The following CHCHD3 variants were observed in gnomAD, a reference collection of about 807,000 sequenced individuals.
CHCHD3 encodes coiled-coil-helix-coiled-coil-helix domain containing 3.
In CHCHD3, 20 loss-of-function variants were observed where a neutral mutation model predicts 38.2. That is an observed-to-expected ratio of 0.52 (90% CI 0.37 to 0.76). The LOEUF (loss-of-function observed/expected upper bound fraction) is 0.76. Among genes scored for constraint, CHCHD3 ranks in the 30% least tolerant of loss-of-function variants. The probability of loss-of-function intolerance (pLI) is 0.00; values close to 1 mark genes in which losing one functional copy is unlikely to be tolerated. For missense variants in CHCHD3, 245 were observed against 279.2 expected (o/e 0.88, Z 0.87); for synonymous variants, 82 against 100.0 (o/e 0.82, Z 1.07).
At chr7:132,950,636 T>C (rs2117286684) in intron 4 of CHCHD3, among the ~76,000 whole-genome samples, 1 of 152,276 alleles carries the variant, frequency 6.6e-6, no homozygotes, top group African/African-American at 2.4e-5. Flanking sequence ...CTTTAAACAT[T>C]TTTTTACATT....
intron 5 of CHCHD3, among the ~76,000 whole-genome samples, chr7:132,872,775 A>G (rs1808797150): frequency 6.6e-6 from 1 of 152,180 alleles, no homozygotes; most frequent in South Asian, 2.1e-4. Flanking sequence ...GGTTCTAAAC[A>G]AAAAATGTCA....
At chr7:132,887,748 G>T (rs1460787482) in intron 4 of CHCHD3, among the ~76,000 whole-genome samples, 1 of 151,712 alleles carries the variant, frequency 6.6e-6, no homozygotes, top group Non-Finnish European at 1.5e-5. Context: ...GTAATATGGT[G>T]TCATTATTCA....
Position 132,913,645 on chromosome 7 carries a change from T to C in CHCHD3, c.370-27900A>G, listed in dbSNP as rs763366340. Among the ~76,000 whole-genome samples the C allele has an allele frequency of 2.0e-5, 3 of 152,224 alleles. No homozygotes were observed. In the East Asian group the frequency reaches 5.8e-4, roughly 29 times the overall value. On this transcript the variant is annotated intron_variant, in intron 4 of 7. Coordinates refer to ENST00000262570, the MANE Select transcript of CHCHD3 (RefSeq NM_017812.4). ...GGGAGGTCTACCGATTCTGAAGCCATGATTTCTTACCACATCATGTCCAGG... is the reference window on the plus strand; with the variant it reads ...GGGAGGTCTACCGATTCTGAAGCCACGATTTCTTACCACATCATGTCCAGG...
chr7:132,962,411 G>C (rs890121956), intron 4 of CHCHD3, among the ~76,000 whole-genome samples: 1 of 152,128 alleles, frequency 6.6e-6, no homozygotes, highest in South Asian at 2.1e-4. Context: ...TAACGACCTT[G>C]TCCTCATTTT....
intron 6 of CHCHD3, among the ~76,000 whole-genome samples, chr7:132,832,058 C>A (rs530932410): frequency 6.6e-6 from 1 of 151,734 alleles, no homozygotes; most frequent in South Asian, 2.1e-4. Context: ...AAAGTGCAAC[C>A]CCTAAAAAAG....
chr7:133,060,985 C>T (rs1814491140), intron 2 of CHCHD3, among the ~76,000 whole-genome samples: 1 of 152,084 alleles, frequency 6.6e-6, no homozygotes, highest in Non-Finnish European at 1.5e-5. Context: ...AGAAGTTCAA[C>T]ACAACAGACA....
intron 3 of CHCHD3, among the ~76,000 whole-genome samples, chr7:133,006,425 C>T (rs1165349789): frequency 1.3e-5 from 2 of 151,924 alleles, no homozygotes; most frequent in Non-Finnish European, 2.9e-5. Flanking sequence ...TGAGATCGCG[C>T]CGCTGCACTC....
chr7:132,800,903 A>G (rs1487060428), intron 6 of CHCHD3, among the ~76,000 whole-genome samples: 2 of 152,020 alleles, frequency 1.3e-5, no homozygotes, highest in African/African-American at 4.8e-5. Flanking sequence ...CCTTCATGGG[A>G]TCAGGTGGTC....
At chr7:132,900,397 C>T (rs1469081975) in intron 4 of CHCHD3, among the ~76,000 whole-genome samples, 4 of 152,100 alleles carry the variant, frequency 2.6e-5, no homozygotes, top group Non-Finnish European at 5.9e-5. Flanking sequence ...AGCCTGAGAC[C>T]GGAGGCATAC....
chr7:132,996,131 C>T (rs372201580), intron 3 of CHCHD3, among the ~76,000 whole-genome samples: 17 of 152,158 alleles, frequency 1.1e-4, no homozygotes, highest in Non-Finnish European at 2.4e-4. Flanking sequence ...TGAACCGAAA[C>T]GCTTAGCTCA....
chr7:132,895,360 C>T lies in CHCHD3; in HGVS notation c.370-9615G>A, dbSNP rs1372065269. On this transcript the variant is annotated intron_variant, in intron 4 of 7. Coordinates refer to ENST00000262570, the MANE Select transcript of CHCHD3 (RefSeq NM_017812.4). Reference sequence around the variant, plus strand: ...ATACTGTAGAATGTTTAGCAGTACTCGTGGCCTCTAATCCGTACAGCCCAG... The same window carrying T: ...ATACTGTAGAATGTTTAGCAGTACTTGTGGCCTCTAATCCGTACAGCCCAG... Among the ~76,000 whole-genome samples the T allele has an allele frequency of 2.0e-5, 3 of 152,224 alleles. No individual in the cohort carries two copies. The East Asian group carries it at 5.8e-4, about 29-fold the overall frequency.
intron 3 of CHCHD3, among the ~76,000 whole-genome samples, chr7:132,978,702 A>G (rs1811837796): frequency 6.6e-6 from 1 of 152,212 alleles, no homozygotes; most frequent in Non-Finnish European, 1.5e-5. Flanking sequence ...CTGTGATATA[A>G]TCCCAGGCTA....
intron 5 of CHCHD3, among the ~76,000 whole-genome samples, chr7:132,883,627 C>T (rs1809129542): frequency 6.6e-6 from 1 of 152,148 alleles, no homozygotes; most frequent in Non-Finnish European, 1.5e-5. Context: ...TCAATTAGAA[C>T]AGAGCCACAC....
chr7:133,059,111 T>C (rs970271887), intron 2 of CHCHD3, among the ~76,000 whole-genome samples: 1 of 152,078 alleles, frequency 6.6e-6, no homozygotes, highest in Non-Finnish European at 1.5e-5. Flanking sequence ...AAATGAATGA[T>C]GGCAGAAAGA....
At chr7:132,998,779 T>C (rs1812490443) in intron 3 of CHCHD3, among the ~76,000 whole-genome samples, 2 of 152,098 alleles carry the variant, frequency 1.3e-5, no homozygotes, top group Non-Finnish European at 2.9e-5. Flanking sequence ...GTACCTAATC[T>C]AAAATATCAC....
chr7:132,905,573 C>T (rs1809780921), intron 4 of CHCHD3, among the ~76,000 whole-genome samples: 1 of 151,450 alleles, frequency 6.6e-6, no homozygotes, highest in South Asian at 2.1e-4. Context: ...TGCACATGTA[C>T]CCTGGAAATT....
In CHCHD3 at chr7:132,850,485, A is replaced by G. The variant is rs1298577626; in HGVS notation, c.454-12016T>C. On this transcript the variant is annotated intron_variant, in intron 5 of 7. Transcript: ENST00000262570. The stretch of plus-strand genomic sequence containing the variant: ...TTTTTCTTGATTTGGTTTTCTAATT[A>G]GAATAGGAATCCTAGATTCATTGAC... 3.5e-5 allele frequency among the ~76,000 whole-genome samples: 5 copies of G among 142,430 alleles called. No individual in the cohort carries two copies. In the East Asian group the frequency reaches 1.0e-3, roughly 30 times the overall value. The allele number at this position is 142,430 out of a possible 152,430, so 93.4% of individuals were successfully genotyped here.
At chr7:132,985,129 C>A (rs1316159032) in intron 3 of CHCHD3, among the ~76,000 whole-genome samples, 5 of 86,722 alleles carry the variant, frequency 5.8e-5, no homozygotes, top group Middle Eastern at 8.5e-3. Context: ...AGGGGCGCCT[C>A]TGCCCGGCCG....
intron 2 of CHCHD3, among the ~76,000 whole-genome samples, chr7:133,033,377 T>C (rs144434802): frequency 3.3e-5 from 5 of 152,250 alleles, no homozygotes; most frequent in Non-Finnish European, 4.4e-5. Flanking sequence ...CAGGCACTGC[T>C]AGCCATGAAG....
Sources: allele counts gnomAD v4.1 joint callset (sites outside exome capture counted in the v4.1 genomes callset), GRCh38; gene constraint gnomAD v4.1.1; transcripts MANE v1.5; gene names NCBI Gene and HGNC (gene_info 2026-07-23, HGNC 2026-07-21).